The following STK11IP variants were observed in gnomAD, a reference collection of about 807,000 sequenced individuals.
The protein encoded by STK11IP is serine/threonine-protein kinase 11-interacting protein.
STK11IP carries 103 observed loss-of-function variants against 131.7 expected under a neutral mutation model. The ratio of observed to expected loss-of-function variants is 0.78; its 90% CI spans 0.67 to 0.92. The LOEUF (loss-of-function observed/expected upper bound fraction) is 0.92, where lower values mean the gene tolerates loss of function less well. STK11IP is among the 40% of genes least tolerant of loss of function. STK11IP has a pLI of 0.00. For synonymous variants in STK11IP, 557 were observed against 575.6 expected, an observed-to-expected ratio of 0.97 and a Z score of 0.46; for missense variants, 1,315 against 1,385.7, an observed-to-expected ratio of 0.95 and a Z score of 0.81.
rs763183757 is a variant in STK11IP at position 219,609,093 on chromosome 2, G to A, written c.1810-4G>A. 1.2e-5 allele frequency: 19 copies of A among 1,583,696 alleles called. No homozygotes were observed. The highest frequency in any genetic ancestry group is 6.9e-5 in the South Asian group (6 of 86,682). The stretch of plus-strand genomic sequence containing the variant: ...TTTCACCCGGTCCCCCTCTTGCTGC[G>A]CAGGGCTCAGATCTGCTCCCTGGAG... On this transcript the variant is annotated splice_region_variant and splice_polypyrimidine_tract_variant and intron_variant, in intron 15 of 24. Transcript: ENST00000456909.
At chr2:219,604,612 A>C (rs1451105649) in intron 7 of STK11IP, among the ~76,000 whole-genome samples, 1 of 152,216 alleles carries the variant, frequency 6.6e-6, no homozygotes, top group African/African-American at 2.4e-5. Context: ...GGAGCAGACT[A>C]TAAATCCATT....
chr2:219,605,233 T>C (rs1438262538), intron 7 of STK11IP, among the ~76,000 whole-genome samples: 1 of 152,178 alleles, frequency 6.6e-6, no homozygotes, highest in East Asian at 1.9e-4. Context: ...ATGAAACCCA[T>C]CTGAGTTTGC....
At chr2:219,603,459 G>A (rs894504551) in intron 7 of STK11IP, among the ~76,000 whole-genome samples, 8 of 152,042 alleles carry the variant, frequency 5.3e-5, no homozygotes, top group African/African-American at 1.9e-4. Flanking sequence ...CTTTCTTCTG[G>A]GTCCTCCCAT....
chr2:219,605,818 A>G (rs1698131983), intron 8 of STK11IP, 84 bp downstream of exon 8: 1 of 1,522,808 alleles, frequency 6.6e-7, no homozygotes, highest in Non-Finnish European at 8.9e-7. Flanking sequence ...ATGTGCCTCT[A>G]GAGCCTTGAG....
At chr2:219,599,676 G>A (rs1326702964) in intron 2 of STK11IP, among the ~76,000 whole-genome samples, 2 of 152,116 alleles carry the variant, frequency 1.3e-5, no homozygotes, top group African/African-American at 4.8e-5. Context: ...CGTGGCTGCA[G>A]GAATTTATAT....
chr2:219,614,583 T>C, intron 23 of STK11IP, 37 bp downstream of exon 23: 1 of 1,608,784 alleles, frequency 6.2e-7, no homozygotes, highest in Non-Finnish European at 8.5e-7. Flanking sequence ...CCCTGGTCTC[T>C]GTACCCTACC....
At chr2:219,614,053 A>C in intron 21 of STK11IP, 108 bp from the exon 22 acceptor site, 7 of 1,524,380 alleles carry the variant, frequency 4.6e-6, no homozygotes, top group Non-Finnish European at 5.4e-6. Flanking sequence ...CCCTTGTAGA[A>C]GTTTCTGAAA....
intron 19 of STK11IP, 159 bp from the exon 20 acceptor site, chr2:219,612,969 G>T: frequency 1.6e-6 from 1 of 611,080 alleles, no homozygotes; most frequent in Non-Finnish European, 3.0e-6. Context: ...AGCGGTGGTG[G>T]ATGAAGAGGC....
intron 24 of STK11IP, chr2:219,615,660 T>A: frequency 1.5e-6 from 1 of 645,886 alleles, no homozygotes; most frequent in Non-Finnish European, 2.9e-6. Flanking sequence ...CCGTTTGGCC[T>A]TTGTGACCAC....
Position 219,602,766 on chromosome 2 carries a change from G to A in STK11IP, c.608G>A (p.Gly203Glu), listed in dbSNP as rs1342712300. The A allele has an allele frequency of 6.2e-7, 1 of 1,611,522 alleles. No homozygotes were observed. The highest frequency in any genetic ancestry group is 2.2e-5 in the East Asian group (1 of 44,876). The change falls in exon 7 of 25, where the codon GGA (glycine) becomes GAA (glutamate). Residue 203 changes from glycine to glutamate, a missense_variant. Coordinates refer to ENST00000456909, the MANE Select transcript of STK11IP (RefSeq NM_052902.4). ...LSHNQVQDCQ[G>E]FLMDLCELHH... The stretch of plus-strand genomic sequence containing the variant: ...CACAATCAAGTCCAGGACTGTCAGG[G>A]ATTCCTGATGGTGAGTATGGGCAGT...
In STK11IP at chr2:219,606,503, C is replaced by G; in HGVS notation, c.973C>G (p.Leu325Val). The stretch of plus-strand genomic sequence containing the variant: ...CCTTCTCGATGGCAAGGTCTTGTCA[C>G]TGACAGATTTTCAGGTCGGTGTGGT... ...GFLLDGKVLS[L>V]TDFQTHTSLG... Residue 325 changes from leucine to valine, a missense_variant, in exon 11 of 25, where the codon CTG becomes GTG. Physicochemically the swap from Leu to Val is conservative, Grantham distance 32 (BLOSUM62 1). Coordinates refer to ENST00000456909, the MANE Select transcript of STK11IP (RefSeq NM_052902.4). 3 of 1,612,828 alleles carry G rather than the reference C, an allele frequency of 1.9e-6. No homozygotes were observed. The highest frequency in any genetic ancestry group is 2.5e-6 in the Non-Finnish European group (3 of 1,179,398).
chr2:219,602,604 G>A (rs774670839), intron 6 of STK11IP, 29 bp downstream of exon 6: 98 of 1,612,592 alleles, frequency 6.1e-5, no homozygotes, highest in Middle Eastern at 1.6e-4. Context: ...AGAGGGTTTC[G>A]AGGAAGGGCA....
Position 219,613,234 on chromosome 2 carries a change from G to C in STK11IP, c.2537+9G>C. Reference sequence around the variant, plus strand: ...GTGACTGGGGAGATGCGGTGAGTGAGAGGGGAGATGCAGTGAGTAAGGGGG... The same window carrying C: ...GTGACTGGGGAGATGCGGTGAGTGACAGGGGAGATGCAGTGAGTAAGGGGG... On this transcript the variant is annotated intron_variant, in intron 20 of 24. Coordinates refer to ENST00000456909, the MANE Select transcript of STK11IP (RefSeq NM_052902.4). The C allele has an allele frequency of 6.3e-7, 1 of 1,576,184 alleles. No individual in the cohort carries two copies. Among genetic ancestry groups the C allele is most frequent in the Non-Finnish European group, 8.6e-7 (1 of 1,158,720 alleles).
At position 219,607,986 on chromosome 2, in the gene STK11IP, A is replaced by G; in HGVS notation, c.1220-61A>G. The G allele has an allele frequency of 3.2e-6, 5 of 1,561,372 alleles. No homozygotes were observed. In the South Asian group the frequency reaches 6.0e-5, roughly 19 times the overall value. The stretch of plus-strand genomic sequence containing the variant: ...CCTCATCGCTGAGGAGCACCGTTGA[A>G]GGATTTGGGGCCATCTGTGTGGGGC... On this transcript the variant is annotated intron_variant, in intron 13 of 24. Coordinates refer to ENST00000456909, the MANE Select transcript of STK11IP (RefSeq NM_052902.4).
Position 219,613,784 on chromosome 2 carries a change from T to A in STK11IP, c.2570T>A (p.Leu857Gln). 6.2e-7 allele frequency: 1 copy of A among 1,612,348 alleles called. No homozygotes were observed. Among genetic ancestry groups the A allele is most frequent in the Non-Finnish European group, 8.5e-7 (1 of 1,179,656 alleles). Reference sequence around the variant, plus strand: ...CCAGCTAGCTGGCTGCAGCTGACCCTGGCTGTTCCCCTGCAGGATCTGAGT... The same window carrying A: ...CCAGCTAGCTGGCTGCAGCTGACCCAGGCTGTTCCCCTGCAGGATCTGAGT... ...EPPASWLQLTLAVPLQDLSGI... is the reference protein window; with the variant it reads ...EPPASWLQLTQAVPLQDLSGI... Residue 857 changes from leucine to glutamine, a missense_variant, in exon 21 of 25, where the codon CTG (leucine) becomes CAG (glutamine). Coordinates refer to ENST00000456909, the MANE Select transcript of STK11IP (RefSeq NM_052902.4).
chr2:219,605,640 C>T lies in STK11IP; in HGVS notation c.651C>T (p.Ser217=), dbSNP rs1490764079. 5.8e-6 allele frequency: 9 copies of T among 1,552,950 alleles called. No homozygotes were observed. The Admixed American group carries it at 5.9e-5, about 10-fold the overall frequency. Residue 217 remains serine (S), a synonymous_variant, in exon 8 of 25, where the codon TCC becomes TCT. Transcript: ENST00000456909. ...DLCELHHLDI[S]YNRLHLVPRM... ...GTGAGCTCCACCATCTGGACATCTCCTATAATCGCCTGCATTTGGTGCCAA... is the reference window on the plus strand; with the variant it reads ...GTGAGCTCCACCATCTGGACATCTCTTATAATCGCCTGCATTTGGTGCCAA...
chr2:219,604,231 T>A (rs1036331208), intron 7 of STK11IP, among the ~76,000 whole-genome samples: 3 of 152,066 alleles, frequency 2.0e-5, no homozygotes, highest in African/African-American at 7.2e-5. Context: ...TTTGTTCAGG[T>A]TTTTTACTGT....
At chr2:219,605,773 A>G in intron 8 of STK11IP, 39 bp downstream of exon 8, 2 of 1,574,584 alleles carry the variant, frequency 1.3e-6, no homozygotes, top group Non-Finnish European at 1.7e-6. Flanking sequence ...ATGGAGGGGA[A>G]GGGGGAGAGT....
chr2:219,615,025 C>T, intron 23 of STK11IP, 69 bp from the exon 24 acceptor site: 1 of 1,538,454 alleles, frequency 6.5e-7, no homozygotes, highest in Non-Finnish European at 8.7e-7. Flanking sequence ...CCCAGCAGCA[C>T]TGGGACGCTG....
Sources: gnomAD v4.1 joint callset for allele counts (sites outside exome capture counted in the v4.1 genomes callset) on GRCh38, gnomAD v4.1.1 for gene constraint, MANE v1.5 for transcripts, NCBI Gene and HGNC (gene_info 2026-07-23, HGNC 2026-07-21) for gene names.